GLIS1: variants seen among roughly 807,000 people sequenced by gnomAD.
GLIS1 encodes GLIS family zinc finger 1, also known as zinc finger protein GLIS1.
GLIS1 carries 24 observed loss-of-function variants against 63.8 expected under a neutral mutation model. The observed-to-expected ratio is 0.38, with a 90% CI of 0.27 to 0.53. GLIS1 has a LOEUF of 0.53. Ranked by LOEUF, GLIS1 falls within the 20% of genes least tolerant of loss-of-function variation. The pLI is 0.85. For synonymous variants in GLIS1, 450 were observed against 482.5 expected (o/e 0.93, Z 0.88); for missense variants, 1,036 against 1,074.1 (o/e 0.96, Z 0.50).
chr1:53,576,282 C>T (rs1432971479), intron 4 of GLIS1, among the ~76,000 whole-genome samples: 1 of 152,192 alleles, frequency 6.6e-6, no homozygotes, highest in African/African-American at 2.4e-5. Flanking sequence ...CAGATCCACA[C>T]ATCCTACTGG....
At chr1:53,587,961 C>T (rs769663559) in intron 4 of GLIS1, among the ~76,000 whole-genome samples, 2 of 152,120 alleles carry the variant, frequency 1.3e-5, no homozygotes, top group Non-Finnish European at 2.9e-5. Context: ...GGTTTAAATC[C>T]GACCCCACCA....
At chr1:53,736,784 T>C (rs145060200) in intron 2 of GLIS1, among the ~76,000 whole-genome samples, 198 of 152,362 alleles carry the variant, frequency 1.3e-3, no homozygotes, top group African/African-American at 4.7e-3. Flanking sequence ...GTTGGGTGTT[T>C]TTGATCCACA....
chr1:53,660,603 T>C (rs749837937), intron 2 of GLIS1, among the ~76,000 whole-genome samples: 17 of 152,114 alleles, frequency 1.1e-4, no homozygotes, highest in Non-Finnish European at 1.9e-4. Flanking sequence ...ACCAGATCCC[T>C]GGCCTGGGGT....
intron 8 of GLIS1, among the ~76,000 whole-genome samples, chr1:53,510,973 T>TGAGCC (rs1344066234): frequency 2.0e-5 from 3 of 152,190 alleles, no homozygotes; most frequent in Non-Finnish European, 4.4e-5. Flanking sequence ...ACAGGTGCCC[T>TGAGCC]GAGCCCAGCC....
intron 2 of GLIS1, among the ~76,000 whole-genome samples, chr1:53,736,140 G>C (rs1646910646): frequency 6.6e-6 from 1 of 152,194 alleles, no homozygotes; most frequent in Non-Finnish European, 1.5e-5. Flanking sequence ...AGCTTCACCA[G>C]AGAGACCAGC....
intron 2 of GLIS1, among the ~76,000 whole-genome samples, chr1:53,630,638 G>A (rs1234187283): frequency 1.3e-5 from 2 of 152,132 alleles, no homozygotes; most frequent in Non-Finnish European, 2.9e-5. Flanking sequence ...TGGGATTACA[G>A]GTGTGTGCCA....
chr1:53,597,995 T>G (rs529927221), intron 3 of GLIS1, among the ~76,000 whole-genome samples: 1 of 152,126 alleles, frequency 6.6e-6, no homozygotes, highest in Non-Finnish European at 1.5e-5. Context: ...ACCAGGGAAA[T>G]TGGGTACCAC....
At chr1:53,717,924 G>A (rs970499847) in intron 2 of GLIS1, among the ~76,000 whole-genome samples, 33 of 152,094 alleles carry the variant, frequency 2.2e-4, no homozygotes, top group Non-Finnish European at 1.8e-4. Context: ...GCAGGCACAT[G>A]ACCTAGGCTC....
chr1:53,701,860 G>T (rs1459413960), intron 2 of GLIS1, among the ~76,000 whole-genome samples: 1 of 151,956 alleles, frequency 6.6e-6, no homozygotes, highest in Non-Finnish European at 1.5e-5. Flanking sequence ...GGGCGTGGTG[G>T]TGGGCGCCTG....
chr1:53,557,601 T>C (rs1239328692), intron 4 of GLIS1, among the ~76,000 whole-genome samples: 7 of 152,176 alleles, frequency 4.6e-5, no homozygotes, highest in Non-Finnish European at 1.0e-4. Flanking sequence ...GGGAAGAGCC[T>C]GGCCCCCTGA....
intron 2 of GLIS1, among the ~76,000 whole-genome samples, chr1:53,626,051 C>G (rs1179783377): frequency 6.6e-6 from 1 of 152,222 alleles, no homozygotes; most frequent in Non-Finnish European, 1.5e-5. Flanking sequence ...AATGGGTACA[C>G]TATCCCTTTG....
At chr1:53,620,816 A>G (rs150133931) in intron 2 of GLIS1, among the ~76,000 whole-genome samples, 1 of 152,206 alleles carries the variant, frequency 6.6e-6, no homozygotes, top group African/African-American at 2.4e-5. Flanking sequence ...TGCCTGTTCT[A>G]GCTCTAATGC....
At chr1:53,732,790 G>A (rs572728579) in intron 2 of GLIS1, among the ~76,000 whole-genome samples, 28 of 106,166 alleles carry the variant, frequency 2.6e-4, no homozygotes, top group Middle Eastern at 4.4e-3. Context: ...TAATTGCAAC[G>A]GAAATCTATA....
At chr1:53,632,631 A>G (rs1292882319) in intron 2 of GLIS1, among the ~76,000 whole-genome samples, 1 of 131,946 alleles carries the variant, frequency 7.6e-6, no homozygotes, top group South Asian at 2.7e-4. Flanking sequence ...GGGGCATGTG[A>G]ATGAGTGTGA....
intron 2 of GLIS1, among the ~76,000 whole-genome samples, chr1:53,695,536 A>T (rs1646455998): frequency 6.6e-6 from 1 of 152,218 alleles, no homozygotes; most frequent in African/African-American, 2.4e-5. Context: ...TGACTGCCAC[A>T]TAAGTAGCAG....
chr1:53,549,806 A>T (rs61770266), intron 4 of GLIS1, among the ~76,000 whole-genome samples: 31,848 of 152,162 alleles, frequency 0.21, 3,490 homozygotes, highest in Middle Eastern at 0.25. Context: ...TTTAACTCCC[A>T]CAACGCCATG....
At chr1:53,702,737 ACCTC>A in intron 2 of GLIS1, among the ~76,000 whole-genome samples, 1 of 147,964 alleles carries the variant, frequency 6.8e-6, no homozygotes, top group African/African-American at 2.6e-5. Flanking sequence ...CTGCCTTGGG[ACCTC>A]AGCCACAGAA....
At chr1:53,608,248 C>G (rs890102351) in intron 2 of GLIS1, among the ~76,000 whole-genome samples, 1 of 152,200 alleles carries the variant, frequency 6.6e-6, no homozygotes, top group Non-Finnish European at 1.5e-5. Context: ...TAGGCGTGAG[C>G]CACTGCCCAG....
chr1:53,654,303 G>A (rs1645940180), intron 2 of GLIS1, among the ~76,000 whole-genome samples: 1 of 152,226 alleles, frequency 6.6e-6, no homozygotes. Flanking sequence ...TTCGTGTGGA[G>A]AGCAAGCAAC....
Sources: allele counts gnomAD v4.1 joint callset (sites outside exome capture counted in the v4.1 genomes callset), GRCh38; gene constraint gnomAD v4.1.1; transcripts MANE v1.5; gene names NCBI Gene and HGNC (gene_info 2026-07-23, HGNC 2026-07-21).